HYDIN: variants seen among roughly 807,000 people sequenced by gnomAD.
The protein encoded by HYDIN is HYDIN axonemal central pair apparatus protein, also known as axonemal central pair apparatus protein HYDIN.
A neutral mutation model predicts 403.9 loss-of-function variants in HYDIN; 132 were observed. The observed-to-expected ratio is 0.33, with a 90% CI of 0.28 to 0.38. HYDIN has a LOEUF of 0.38. Ranked by LOEUF, HYDIN falls within the 10% of genes least tolerant of loss-of-function variation. The probability of loss-of-function intolerance (pLI) is 1.00; values close to 1 mark genes in which losing one functional copy is unlikely to be tolerated. For missense variants in HYDIN, 2,827 were observed against 5,009.5 expected (o/e 0.56, Z 13.15); for synonymous variants, 1,202 against 1,891.7 (o/e 0.64, Z 9.46).
At chr16:71,127,792 C>A (rs1379782839) in intron 9 of HYDIN, among the ~76,000 whole-genome samples, 1 of 152,312 alleles carries the variant, frequency 6.6e-6, no homozygotes, top group Non-Finnish European at 1.5e-5. Flanking sequence ...TGCCTCAGCC[C>A]AGCTCAGCCA....
chr16:70,865,911 C>G (rs2039719853), intron 67 of HYDIN, among the ~76,000 whole-genome samples: 1 of 152,244 alleles, frequency 6.6e-6, no homozygotes, highest in African/African-American at 2.4e-5. Flanking sequence ...AGGACTGCTC[C>G]CACTAAAGTG....
chr16:71,020,220 A>G lies in HYDIN; in HGVS notation c.3284T>C (p.Phe1095Ser), dbSNP rs758764319. ...VNLLLSTSGP[F>S]FICETDKSLL... Reference sequence around the variant, plus strand: ...GGATTTATCAGTCTCACATATAAAGAAGGGTCCAGATGTTGACAGCAACAA... The same window carrying G: ...GGATTTATCAGTCTCACATATAAAGGAGGGTCCAGATGTTGACAGCAACAA... Residue 1095 changes from phenylalanine (F) to serine (S), a missense_variant, in exon 22 of 86, where the codon TTC (phenylalanine) becomes TCC (serine). Phe to Ser is a radical substitution (Grantham distance 155, BLOSUM62 -2). Transcript: ENST00000393567. The G allele has an allele frequency of 1.9e-6, 3 of 1,613,856 alleles. No homozygotes were observed. The highest frequency in any genetic ancestry group is 2.5e-6 in the Non-Finnish European group (3 of 1,179,938).
chr16:70,946,621 C>A (rs141760125), intron 41 of HYDIN, among the ~76,000 whole-genome samples: 1 of 151,852 alleles, frequency 6.6e-6, no homozygotes, highest in Non-Finnish European at 1.5e-5. Flanking sequence ...AGGGAGGGCA[C>A]GAGGTGGGTG....
intron 65 of HYDIN, among the ~76,000 whole-genome samples, chr16:70,869,961 C>G (rs535078311): frequency 8.0e-5 from 12 of 149,080 alleles, no homozygotes. Context: ...CAATGAAATC[C>G]AGGCTGAGAT....
intron 19 of HYDIN, 32 bp downstream of exon 19, chr16:71,031,647 T>C (rs765824270): frequency 6.3e-7 from 1 of 1,590,484 alleles, no homozygotes; most frequent in African/African-American, 1.4e-5. Flanking sequence ...ATATGTGATA[T>C]CTATAAAAAC....
Position 71,084,824 on chromosome 16 carries a change from G to A in HYDIN, c.1670+3477C>T, listed in dbSNP as rs571984440. 3.5e-4 allele frequency among the ~76,000 whole-genome samples: 52 copies of A among 146,910 alleles called. No individual in the cohort carries two copies. In the East Asian group the frequency reaches 4.4e-3, roughly 12 times the overall value. On this transcript the variant is annotated intron_variant, in intron 12 of 85. Coordinates refer to ENST00000393567, the MANE Select transcript of HYDIN (RefSeq NM_001270974.2). ...AATCATAAAAGGGTGCTAAATTTTG[G>A]TAAATGCTTTTTCTGTGTTTACTGA...
chr16:70,879,437 T>A lies in HYDIN; in HGVS notation c.10417A>T (p.Asn3473Tyr). 2 of 1,612,512 alleles carry A rather than the reference T, an allele frequency of 1.2e-6. No homozygotes were observed. Residue 3473 changes from asparagine to tyrosine, a missense_variant, in exon 62 of 86, where the codon AAC becomes TAC. Asn to Tyr is a moderately radical substitution (Grantham distance 143). Coordinates refer to ENST00000393567, the MANE Select transcript of HYDIN (RefSeq NM_001270974.2). ...GLVFDIAGEG[N>Y]LPRVTVVRPV... Reference sequence around the variant, plus strand: ...CGCACAACCGTCACTCGAGGGAGGTTCCCCTCACCAGCGATGTCAAACACG... The same window carrying A: ...CGCACAACCGTCACTCGAGGGAGGTACCCCTCACCAGCGATGTCAAACACG...
chr16:71,198,515 T>C (rs1301752150), intron 1 of HYDIN, among the ~76,000 whole-genome samples: 1 of 152,132 alleles, frequency 6.6e-6, no homozygotes, highest in Non-Finnish European at 1.5e-5. Flanking sequence ...CATCCTGAGA[T>C]GGAAAGGGAA....
chr16:70,902,821 A>ATTTTTTTTTTTTTTTTT (rs60618592), intron 52 of HYDIN, among the ~76,000 whole-genome samples: 8 of 47,292 alleles, frequency 1.7e-4, no homozygotes, highest in East Asian at 5.5e-4. Context: ...ATATATATAT[A>ATTTTTTTTTTTTTTTTT]TTTTTTTTTT....
At chr16:71,094,314 A>G (rs1479129740) in intron 10 of HYDIN, among the ~76,000 whole-genome samples, 4 of 152,108 alleles carry the variant, frequency 2.6e-5, no homozygotes, top group Admixed American at 2.6e-4. Context: ...TAGAATGCAT[A>G]TTTTTGCAAG....
intron 66 of HYDIN, among the ~76,000 whole-genome samples, chr16:70,867,782 T>C (rs373176028): frequency 8.7e-4 from 128 of 147,132 alleles, no homozygotes; most frequent in Middle Eastern, 3.5e-3. Flanking sequence ...GCTCAGATGA[T>C]CCTCTCACCT....
chr16:70,900,013 G>A (rs2076319437), intron 53 of HYDIN, among the ~76,000 whole-genome samples: 1 of 151,486 alleles, frequency 6.6e-6, no homozygotes, highest in South Asian at 2.1e-4. Context: ...GGGAAGCCAG[G>A]AGAGTGCGTT....
chr16:71,048,964 A>G (rs1259753478), intron 18 of HYDIN, among the ~76,000 whole-genome samples: 7 of 152,222 alleles, frequency 4.6e-5, no homozygotes, highest in African/African-American at 1.7e-4. Context: ...CCAAAACACT[A>G]AAAAGTAGTT....
chr16:71,226,283 A>G (rs900135941), intron 1 of HYDIN, among the ~76,000 whole-genome samples: 1 of 152,236 alleles, frequency 6.6e-6, no homozygotes, highest in Non-Finnish European at 1.5e-5. Flanking sequence ...AGAAACATGT[A>G]TTCACACATA....
At chr16:71,100,049 T>C (rs957165663) in intron 10 of HYDIN, among the ~76,000 whole-genome samples, 1 of 152,068 alleles carries the variant, frequency 6.6e-6, no homozygotes, top group Non-Finnish European at 1.5e-5. Flanking sequence ...GATTCAGGAT[T>C]AGCAAACATT....
At chr16:71,071,134 T>C (rs1279895825) in intron 13 of HYDIN, among the ~76,000 whole-genome samples, 1 of 142,008 alleles carries the variant, frequency 7.0e-6, no homozygotes, top group Non-Finnish European at 1.5e-5. Flanking sequence ...TTAGACGATC[T>C]GTGAATGTGG....
At chr16:71,152,920 A>T (rs2085598303) in intron 6 of HYDIN, 137 bp from the exon 7 acceptor site, 2 of 630,840 alleles carry the variant, frequency 3.2e-6, no homozygotes, top group Non-Finnish European at 5.4e-6. Flanking sequence ...AGTGAAGTAG[A>T]CTTTTGCTAC....
At chr16:71,059,119 T>C (rs1357701907) in intron 18 of HYDIN, among the ~76,000 whole-genome samples, 1 of 152,222 alleles carries the variant, frequency 6.6e-6, no homozygotes, top group Non-Finnish European at 1.5e-5. Context: ...GTTGTATGTT[T>C]CTTTTGCTGT....
chr16:70,840,988 T>C (rs547542297), intron 75 of HYDIN, among the ~76,000 whole-genome samples: 1 of 152,318 alleles, frequency 6.6e-6, no homozygotes, highest in East Asian at 1.9e-4. Context: ...AAATTATCTA[T>C]TATTCATTCT....
Sources: allele counts gnomAD v4.1 joint callset (sites outside exome capture counted in the v4.1 genomes callset), GRCh38; gene constraint gnomAD v4.1.1; transcripts MANE v1.5; gene names NCBI Gene and HGNC (gene_info 2026-07-23, HGNC 2026-07-21).